Variants in RBFOX1 observed in about 807,000 individuals in gnomAD.
RBFOX1 encodes RNA binding fox-1 homolog 1.
A neutral mutation model predicts 57.7 loss-of-function variants in RBFOX1; 8 were observed. That is an observed-to-expected ratio of 0.14 (90% CI 0.08 to 0.25). The LOEUF is 0.25. RBFOX1 is among the 10% of genes least tolerant of loss of function. The pLI is 1.00. For synonymous variants in RBFOX1, 326 were observed against 222.4 expected, an observed-to-expected ratio of 1.47 and a Z score of -4.15; for missense variants, 611 against 548.5, an observed-to-expected ratio of 1.11 and a Z score of -1.14.
At position 7,478,526 on chromosome 16, in the gene RBFOX1, T is replaced by A. The variant is rs1010992047; in HGVS notation, c.28-39621T>A. On this transcript the variant is annotated intron_variant, in intron 4 of 15. Transcript: ENST00000550418. ...GAGAGGGGGAGTCCCTGGTACCATG[T>A]CTGAAGTTCCTTCTAACCCTGAGGT... Among the ~76,000 whole-genome samples, 11 of 152,202 alleles carry A rather than the reference T, an allele frequency of 7.2e-5. No individual in the cohort carries two copies. The South Asian group carries it at 1.2e-3, about 17-fold the overall frequency.
At chr16:6,234,001 T>G (rs2097486012) in intron 1 of RBFOX1, among the ~76,000 whole-genome samples, 1 of 152,148 alleles carries the variant, frequency 6.6e-6, no homozygotes, top group African/African-American at 2.4e-5. Flanking sequence ...CCATGTCTGG[T>G]GAGAGCTGCA....
At chr16:5,855,400 T>C (rs1047357376) in intron 3 of RBFOX1, among the ~76,000 whole-genome samples, 2 of 152,208 alleles carry the variant, frequency 1.3e-5, no homozygotes, top group African/African-American at 4.8e-5. Flanking sequence ...GGTTATTGTA[T>C]ATAGTGTGAA....
chr16:7,630,485 C>T (rs985005091), intron 10 of RBFOX1, 118 bp from the exon 11 acceptor site: 61 of 1,532,972 alleles, frequency 4.0e-5, no homozygotes, highest in Admixed American at 2.4e-4. Flanking sequence ...CCTTGTCCTG[C>T]GCTCTGGGAT....
At chr16:6,438,848 G>C (rs1425981514) in intron 2 of RBFOX1, among the ~76,000 whole-genome samples, 1 of 152,158 alleles carries the variant, frequency 6.6e-6, no homozygotes, top group East Asian at 1.9e-4. Flanking sequence ...CTGTACCTGA[G>C]TATTCTTAAC....
intron 3 of RBFOX1, among the ~76,000 whole-genome samples, chr16:6,667,280 A>G (rs1412731586): frequency 6.6e-6 from 1 of 152,144 alleles, no homozygotes; most frequent in Non-Finnish European, 1.5e-5. Context: ...GAGTGTAATG[A>G]AAAGCACTGA....
chr16:5,334,467 C>A (rs1032914388), intron 1 of RBFOX1, among the ~76,000 whole-genome samples: 2 of 151,962 alleles, frequency 1.3e-5, no homozygotes, highest in Non-Finnish European at 2.9e-5. Context: ...AGGTCCATAT[C>A]TTTTCAGAAG....
chr16:5,432,964 T>G (rs2067799353), intron 1 of RBFOX1, among the ~76,000 whole-genome samples: 4 of 152,264 alleles, frequency 2.6e-5, no homozygotes, highest in East Asian at 3.9e-4. Flanking sequence ...TTTTGTATTT[T>G]TAGTACAGAC....
chr16:6,977,485 C>T (rs145866469), intron 3 of RBFOX1, among the ~76,000 whole-genome samples: 1 of 152,036 alleles, frequency 6.6e-6, no homozygotes, highest in African/African-American at 2.4e-5. Flanking sequence ...GAGAATGCAG[C>T]CCAGCAAGTC....
chr16:6,917,918 AT>A (rs2073592150), intron 3 of RBFOX1, among the ~76,000 whole-genome samples: 1 of 152,170 alleles, frequency 6.6e-6, no homozygotes, highest in African/African-American at 2.4e-5. Flanking sequence ...CCTGGGTATT[AT>A]CCCTTTAGGG....
At chr16:7,696,895 G>C (rs1240536777) in intron 14 of RBFOX1, among the ~76,000 whole-genome samples, 1 of 152,156 alleles carries the variant, frequency 6.6e-6, no homozygotes, top group Non-Finnish European at 1.5e-5. Context: ...CAGAGACCCT[G>C]TGGTTGAGAC....
At chr16:7,004,431 G>C (rs945977088) in intron 3 of RBFOX1, among the ~76,000 whole-genome samples, 1 of 152,096 alleles carries the variant, frequency 6.6e-6, no homozygotes. Context: ...TCAGCATTTG[G>C]CTCTGGTGGA....
intron 4 of RBFOX1, among the ~76,000 whole-genome samples, chr16:7,441,568 C>T (rs896277337): frequency 2.0e-5 from 3 of 152,196 alleles, no homozygotes; most frequent in Non-Finnish European, 4.4e-5. Context: ...CTGAAATCTA[C>T]ACTTTAGTTT....
intron 3 of RBFOX1, among the ~76,000 whole-genome samples, chr16:5,791,544 C>G (rs4786778): frequency 0.32 from 49,016 of 151,942 alleles, 9,291 homozygotes; most frequent in South Asian, 0.45. Flanking sequence ...GACAGGCAGG[C>G]AGCACACAAA....
At chr16:6,018,407 A>C (rs1161644658), upstream of RBFOX1, among the ~76,000 whole-genome samples, 4 of 152,218 alleles carry the variant, frequency 2.6e-5, no homozygotes, top group Non-Finnish European at 5.9e-5. Flanking sequence ...GTGGAAAGTA[A>C]ATGCTTATTA....
intron 3 of RBFOX1, among the ~76,000 whole-genome samples, chr16:6,918,476 A>T (rs7201356): frequency 1.8e-4 from 27 of 152,060 alleles, no homozygotes; most frequent in Non-Finnish European, 3.1e-4. Context: ...AATCCAATCA[A>T]ATTAATTGTT....
chr16:5,672,038 G>A (rs2050026573), intron 3 of RBFOX1, among the ~76,000 whole-genome samples: 1 of 152,068 alleles, frequency 6.6e-6, no homozygotes, highest in Non-Finnish European at 1.5e-5. Flanking sequence ...GCATCTTTGA[G>A]AATTGGAAAA....
chr16:5,794,281 C>T (rs540256724), intron 3 of RBFOX1, among the ~76,000 whole-genome samples: 2 of 151,710 alleles, frequency 1.3e-5, no homozygotes, highest in African/African-American at 2.4e-5. Flanking sequence ...CTCTTTGTTT[C>T]CCTCCTTCAC....
chr16:7,018,458 C>G (rs556236240), intron 3 of RBFOX1, among the ~76,000 whole-genome samples: 1 of 152,124 alleles, frequency 6.6e-6, no homozygotes, highest in Non-Finnish European at 1.5e-5. Flanking sequence ...TGAAATACAA[C>G]GTCTAATCCA....
intron 3 of RBFOX1, among the ~76,000 whole-genome samples, chr16:5,785,026 C>G (rs1434887580): frequency 1.3e-5 from 2 of 152,164 alleles, no homozygotes; most frequent in African/African-American, 2.4e-5. Flanking sequence ...ATTAAATGAG[C>G]TCTTTTGTGT....
Sources: gnomAD v4.1 joint callset for allele counts (sites outside exome capture counted in the v4.1 genomes callset) on GRCh38, gnomAD v4.1.1 for gene constraint, MANE v1.5 for transcripts, NCBI Gene and HGNC (gene_info 2026-07-23, HGNC 2026-07-21) for gene names.